Variants in PLCXD2 observed in about 807,000 individuals in gnomAD.
PLCXD2 encodes the protein PI-PLC X domain-containing protein 2.
In PLCXD2, 21 loss-of-function variants were observed where a neutral mutation model predicts 28.6. The observed-to-expected ratio is 0.73, with a 90% CI of 0.52 to 1.06. The LOEUF (loss-of-function observed/expected upper bound fraction) is 1.06. Among genes scored for constraint, PLCXD2 ranks in the 50% least tolerant of loss-of-function variants. The pLI, the probability that PLCXD2 is intolerant of heterozygous loss-of-function variation, is 0.00. For missense variants in PLCXD2, 369 were observed against 376.7 expected (o/e 0.98, Z 0.17); for synonymous variants, 140 against 150.1 (o/e 0.93, Z 0.49).
rs546886156 is a variant in PLCXD2 at position 111,675,110 on chromosome 3, C to T, written c.-136C>T. 6 of 1,014,998 alleles carry T rather than the reference C, an allele frequency of 5.9e-6. No homozygotes were observed. The South Asian group carries it at 6.2e-5, about 10-fold the overall frequency. 62.9% of individuals were successfully genotyped at this position (1,014,998 alleles called of 1,614,324 possible). ...TGGGTAAGGATCCATCTGTTTGCCC[C>T]GTCCCCCAGCCAGAAAGGCATTTTG... On this transcript the variant is annotated 5_prime_UTR_variant, in exon 1 of 5. Coordinates refer to ENST00000477665, the MANE Select transcript of PLCXD2 (RefSeq NM_001185106.1).
At chr3:111,701,356 A>T (rs1441387575) in intron 1 of PLCXD2, among the ~76,000 whole-genome samples, 1 of 152,218 alleles carries the variant, frequency 6.6e-6, no homozygotes, top group South Asian at 2.1e-4. Flanking sequence ...AAATATAGAC[A>T]TATTTGGGGT....
At chr3:111,715,814 C>T (rs913219121) in intron 3 of PLCXD2, among the ~76,000 whole-genome samples, 1 of 152,196 alleles carries the variant, frequency 6.6e-6, no homozygotes, top group Non-Finnish European at 1.5e-5. Context: ...GACTTGGATA[C>T]TGCATATTTT....
At chr3:111,704,999 T>C (rs1941097167) in intron 1 of PLCXD2, among the ~76,000 whole-genome samples, 3 of 151,938 alleles carry the variant, frequency 2.0e-5, no homozygotes, top group African/African-American at 2.4e-5. Context: ...TTTTTTAAGG[T>C]AGAGACAGGG....
At chr3:111,693,604 A>C (rs1443710411) in intron 1 of PLCXD2, among the ~76,000 whole-genome samples, 2 of 152,080 alleles carry the variant, frequency 1.3e-5, no homozygotes, top group Non-Finnish European at 2.9e-5. Flanking sequence ...CTCATTTTCT[A>C]CTTCATGCTT....
intron 1 of PLCXD2, among the ~76,000 whole-genome samples, chr3:111,688,114 CTCTG>C (rs973742857): frequency 5.9e-5 from 9 of 152,146 alleles, no homozygotes; most frequent in Non-Finnish European, 1.3e-4. Context: ...AGCTTTACCC[CTCTG>C]TCTGTTAGTT....
intron 1 of PLCXD2, among the ~76,000 whole-genome samples, chr3:111,684,684 T>C (rs943311067): frequency 1.3e-5 from 2 of 151,984 alleles, no homozygotes; most frequent in African/African-American, 2.4e-5. Flanking sequence ...TAACTAACTT[T>C]ACCTGAACAG....
intron 2 of PLCXD2, among the ~76,000 whole-genome samples, chr3:111,712,196 C>T (rs928268950): frequency 1.3e-5 from 2 of 152,174 alleles, no homozygotes; most frequent in African/African-American, 4.8e-5. Flanking sequence ...CTCAAGAAGG[C>T]TCTTGAAGAA....
chr3:111,697,129 T>A (rs906531976), intron 1 of PLCXD2, among the ~76,000 whole-genome samples: 1 of 152,194 alleles, frequency 6.6e-6, no homozygotes, highest in Non-Finnish European at 1.5e-5. Flanking sequence ...TTGCTATAAC[T>A]TATAAGATTT....
intron 1 of PLCXD2, chr3:111,692,375 A>T (rs1276217509): frequency 6.6e-6 from 1 of 152,500 alleles, no homozygotes; most frequent in Non-Finnish European, 1.5e-5. Flanking sequence ...AAAGGTTTCC[A>T]TGAGTTCCAG....
At chr3:111,716,907 C>T (rs1478790835) in intron 3 of PLCXD2, among the ~76,000 whole-genome samples, 1 of 152,110 alleles carries the variant, frequency 6.6e-6, no homozygotes, top group African/African-American at 2.4e-5. Context: ...AGAGACACCA[C>T]AGATATGTGT....
At chr3:111,709,454 A>G (rs750574682) in intron 2 of PLCXD2, among the ~76,000 whole-genome samples, 2 of 134,928 alleles carry the variant, frequency 1.5e-5, no homozygotes, top group Non-Finnish European at 3.1e-5. Flanking sequence ...CTCTCCATAT[A>G]TGTGTGTGTA....
At chr3:111,725,109 A>G (rs1941398390) in intron 3 of PLCXD2, 2 of 152,238 alleles carry the variant, frequency 1.3e-5, no homozygotes, top group Non-Finnish European at 1.5e-5. Flanking sequence ...GATGATCCAT[A>G]TAATGAAATG....
chr3:111,724,153 G>A (rs906351587), intron 3 of PLCXD2: 11 of 152,104 alleles, frequency 7.2e-5, no homozygotes, highest in Non-Finnish European at 8.8e-5. Flanking sequence ...GAGAGAGGTC[G>A]AGATGGACTT....
chr3:111,676,029 T>C (rs1171033219), intron 1 of PLCXD2, among the ~76,000 whole-genome samples: 1 of 152,202 alleles, frequency 6.6e-6, no homozygotes, highest in African/African-American at 2.4e-5. Context: ...TGTATACAGG[T>C]GTCTGCCTGA....
At position 111,714,072 on chromosome 3, in the gene PLCXD2, A is replaced by T. The variant is rs770126887; in HGVS notation, c.810A>T (p.Arg270Ser). The stretch of plus-strand genomic sequence containing the variant: ...TCTCCCAAGCGATCCTCACCCCCAG[A>T]GTGAAGACCATTGCCCGGGGCTTGG... Residue 270 changes from arginine (R) to serine (S), a missense_variant, in exon 3 of 5, where the codon AGA becomes AGT. Arg to Ser is a moderately radical substitution (Grantham distance 110, BLOSUM62 -1). Coordinates refer to ENST00000477665, the MANE Select transcript of PLCXD2 (RefSeq NM_001185106.1). 4 of 1,614,130 alleles carry T rather than the reference A, an allele frequency of 2.5e-6. No individual in the cohort carries two copies. In the South Asian group the frequency reaches 3.3e-5, roughly 13 times the overall value.
chr3:111,686,590 C>G (rs975702327), intron 1 of PLCXD2, among the ~76,000 whole-genome samples: 1 of 152,136 alleles, frequency 6.6e-6, no homozygotes, highest in African/African-American at 2.4e-5. Context: ...CATTTGGAAT[C>G]TTGGACTCAT....
intron 1 of PLCXD2, among the ~76,000 whole-genome samples, chr3:111,690,316 T>C (rs1446608521): frequency 6.6e-6 from 1 of 152,178 alleles, no homozygotes; most frequent in Admixed American, 6.5e-5. Context: ...TGAGCACCCA[T>C]GAGGATGGTG....
chr3:111,718,495 A>AGAT (rs1197881865), intron 3 of PLCXD2, among the ~76,000 whole-genome samples: 2 of 101,450 alleles, frequency 2.0e-5, no homozygotes, highest in Non-Finnish European at 4.3e-5. Context: ...GATAGATGAT[A>AGAT]GATAGATAGA....
chr3:111,677,440 C>T (rs970097810), intron 1 of PLCXD2: 8 of 152,156 alleles, frequency 5.3e-5, no homozygotes, highest in Admixed American at 1.3e-4. Flanking sequence ...TCATCGTCCC[C>T]CTACTTCCTC....
Sources: gnomAD v4.1 joint callset for allele counts (sites outside exome capture counted in the v4.1 genomes callset) on GRCh38, gnomAD v4.1.1 for gene constraint, MANE v1.5 for transcripts, NCBI Gene and HGNC (gene_info 2026-07-23, HGNC 2026-07-21) for gene names.